The following TDRD9 variants were observed in gnomAD, a reference collection of about 807,000 sequenced individuals.
TDRD9 encodes the protein ATP-dependent RNA helicase TDRD9.
TDRD9 carries 124 observed loss-of-function variants against 172.6 expected under a neutral mutation model. The ratio of observed to expected loss-of-function variants is 0.72; its 90% CI spans 0.62 to 0.83. TDRD9 has a LOEUF of 0.83. Ranked by LOEUF, TDRD9 falls within the 40% of genes least tolerant of loss-of-function variation. The pLI, the probability that TDRD9 is intolerant of heterozygous loss-of-function variation, is 0.00. For missense variants in TDRD9, 1,479 were observed against 1,714.1 expected (o/e 0.86, Z 2.42); for synonymous variants, 619 against 617.1 (o/e 1.00, Z -0.05).
rs553560961 is a variant in TDRD9 at position 103,931,132 on chromosome 14, C to CA, written c.215+2419dup. 5.9e-3 allele frequency among the ~76,000 whole-genome samples: 820 copies of CA among 139,316 alleles called. 5 individuals are homozygous for CA. The highest frequency in any genetic ancestry group is 7.9e-3 in the Non-Finnish European group (503 of 63,478). 91.4% of individuals were successfully genotyped at this position (139,316 alleles called of 152,430 possible). ...CAACATGGTGAAACCCTGTCTCTACCAAAAAAAAAAACAAAAATTTGCCCA... is the reference window on the plus strand; with the variant it reads ...CAACATGGTGAAACCCTGTCTCTACCAAAAAAAAAAAACAAAAATTTGCCCA... On this transcript the variant is annotated intron_variant, in intron 1 of 35. Coordinates refer to ENST00000409874, the MANE Select transcript of TDRD9 (RefSeq NM_153046.3).
At chr14:104,023,013 C>G (rs1260626959) in intron 24 of TDRD9, among the ~76,000 whole-genome samples, 2 of 151,402 alleles carry the variant, frequency 1.3e-5, no homozygotes, top group Non-Finnish European at 2.9e-5. Context: ...AACCCCGTCT[C>G]TACCAAAAAT....
At position 103,963,152 on chromosome 14, in the gene TDRD9, G is replaced by A. The variant is rs2032588390; in HGVS notation, c.396G>A (p.Leu132=). 6.5e-7 allele frequency: 1 copy of A among 1,548,282 alleles called. No individual in the cohort carries two copies. ...IPGTTYKYPD[L]PISRYKEEVV... ...GGACAACTTATAAATATCCTGATTT[G>A]CCTATAAGTCGATACAAGGAAGAGG... is the stretch of plus-strand genomic sequence containing the variant. Residue 132 remains leucine (L), a synonymous_variant, in exon 3 of 36, where the codon TTG becomes TTA. Coordinates refer to ENST00000409874, the MANE Select transcript of TDRD9 (RefSeq NM_153046.3).
intron 1 of TDRD9, chr14:103,945,292 A>C (rs575590231): frequency 1.3e-4 from 20 of 152,332 alleles, no homozygotes; most frequent in African/African-American, 4.6e-4. Context: ...CCATTACCAA[A>C]GACCTTTTCA....
chr14:104,021,444 C>G lies in TDRD9; in HGVS notation c.2433-713C>G, dbSNP rs192825715. Among the ~76,000 whole-genome samples, 18 of 152,288 alleles carry G rather than the reference C, an allele frequency of 1.2e-4. No homozygotes were observed. The East Asian group carries it at 3.5e-3, about 29-fold the overall frequency. On this transcript the variant is annotated intron_variant, in intron 23 of 35. Coordinates refer to ENST00000409874, the MANE Select transcript of TDRD9 (RefSeq NM_153046.3). ...GCGCTGTGGCTCAGTCCTGTAATCT[C>G]AGCACTTTGGGAGGCTGAGATGGGC...
chr14:103,991,507 G>A (rs1945375328), intron 9 of TDRD9, among the ~76,000 whole-genome samples: 2 of 151,742 alleles, frequency 1.3e-5, no homozygotes, highest in Admixed American at 1.3e-4. Flanking sequence ...CTGCCTCCCC[G>A]GTTCCAGTGA....
chr14:104,030,377 A>G (rs1325626599), intron 28 of TDRD9, among the ~76,000 whole-genome samples: 2 of 152,134 alleles, frequency 1.3e-5, no homozygotes, highest in Non-Finnish European at 2.9e-5. Flanking sequence ...CTGTAATCAT[A>G]CTACTCAGGA....
intron 23 of TDRD9, among the ~76,000 whole-genome samples, chr14:104,020,968 T>C (rs2034937006): frequency 6.6e-6 from 1 of 152,046 alleles, no homozygotes; most frequent in South Asian, 2.1e-4. Context: ...AGAGAGGGCA[T>C]TTATCAATAT....
intron 2 of TDRD9, among the ~76,000 whole-genome samples, chr14:103,958,941 C>T (rs2032374249): frequency 6.6e-6 from 1 of 152,164 alleles, no homozygotes; most frequent in African/African-American, 2.4e-5. Context: ...GAGTTTTGGT[C>T]TTAATACTCA....
intron 7 of TDRD9, among the ~76,000 whole-genome samples, chr14:103,983,924 G>A (rs2033575383): frequency 6.6e-6 from 1 of 152,230 alleles, no homozygotes; most frequent in African/African-American, 2.4e-5. Flanking sequence ...GGTGGTTTCA[G>A]ATGGAGATGA....
At chr14:104,017,229 C>T (rs944913709) in intron 22 of TDRD9, among the ~76,000 whole-genome samples, 1 of 151,992 alleles carries the variant, frequency 6.6e-6, no homozygotes, top group African/African-American at 2.4e-5. Context: ...CTGCATCCCT[C>T]GACCACAGAG....
intron 28 of TDRD9, 47 bp downstream of exon 28, chr14:104,026,986 A>T (rs1219775305): frequency 1.9e-6 from 3 of 1,591,578 alleles, no homozygotes; most frequent in Non-Finnish European, 2.6e-6. Flanking sequence ...GTGAGAGAGA[A>T]CGGGGCAGGC....
chr14:103,998,474 G>A, intron 12 of TDRD9, 150 bp from the exon 13 acceptor site: 1 of 578,956 alleles, frequency 1.7e-6, no homozygotes, highest in East Asian at 2.9e-5. Context: ...ATCCTGGGCG[G>A]GAGTGGTCGG....
At chr14:103,938,576 C>A (rs2030966530) in intron 1 of TDRD9, among the ~76,000 whole-genome samples, 1 of 150,586 alleles carries the variant, frequency 6.6e-6, no homozygotes, top group Non-Finnish European at 1.5e-5. Flanking sequence ...GTAGCTGGGA[C>A]TACAGGCGCC....
intron 1 of TDRD9, among the ~76,000 whole-genome samples, chr14:103,943,560 A>ACAG (rs1323351323): frequency 6.9e-4 from 97 of 141,304 alleles, no homozygotes; most frequent in African/African-American, 2.4e-3. Flanking sequence ...TGTGTTGCCC[A>ACAG]GGCTGGTCCG....
Position 103,980,843 on chromosome 14 carries a change from G to T in TDRD9, c.1011+5290G>T, listed in dbSNP as rs2033445041. On this transcript the variant is annotated intron_variant, in intron 7 of 35. Coordinates refer to ENST00000409874, the MANE Select transcript of TDRD9 (RefSeq NM_153046.3). The surrounding 1 kb of genome is among the most constrained non-coding windows in gnomAD (Gnocchi z 4.5). Reference sequence around the variant, plus strand: ...GGAGCCCTCTGGTGGCCCTGTCCGGGCATAACAGAAGGCTCGCACTCTTGT... The same window carrying T: ...GGAGCCCTCTGGTGGCCCTGTCCGGTCATAACAGAAGGCTCGCACTCTTGT... Among the ~76,000 whole-genome samples, 1 of 152,166 alleles carries T rather than the reference G, an allele frequency of 6.6e-6. No individual in the cohort carries two copies. Among genetic ancestry groups the T allele is most frequent in the South Asian group, 2.1e-4 (1 of 4,828 alleles).
At chr14:103,962,586 G>A (rs1286677905) in intron 2 of TDRD9, among the ~76,000 whole-genome samples, 1 of 152,188 alleles carries the variant, frequency 6.6e-6, no homozygotes, top group African/African-American at 2.4e-5. Flanking sequence ...CCCATCACCT[G>A]TATAGTGAAC....
At chr14:104,025,212 T>C (rs1951586) in intron 25 of TDRD9, among the ~76,000 whole-genome samples, 151,749 of 152,336 alleles carry the variant, frequency 1, 75,588 homozygotes, top group Middle Eastern at 1. Flanking sequence ...GAACTCCTAA[T>C]CTCTAGTGAT....
At chr14:104,018,648 T>G (rs2034864103) in intron 23 of TDRD9, among the ~76,000 whole-genome samples, 1 of 152,212 alleles carries the variant, frequency 6.6e-6, no homozygotes, top group Non-Finnish European at 1.5e-5. Flanking sequence ...AAAACTCAAT[T>G]TGGCTCTACT....
intron 19 of TDRD9, among the ~76,000 whole-genome samples, chr14:104,008,059 G>A (rs766947206): frequency 2.6e-5 from 4 of 152,166 alleles, no homozygotes; most frequent in Non-Finnish European, 5.9e-5. Flanking sequence ...GATTACAGGC[G>A]TGAACCACCG....
Sources: allele counts gnomAD v4.1 joint callset (sites outside exome capture counted in the v4.1 genomes callset), GRCh38; gene constraint gnomAD v4.1.1; non-coding constraint Gnocchi (gnomAD v3.1); transcripts MANE v1.5; gene names NCBI Gene and HGNC (gene_info 2026-07-23, HGNC 2026-07-21).